POLR3G: variants seen among roughly 807,000 people sequenced by gnomAD.
POLR3G encodes RNA polymerase III subunit G.
POLR3G carries 28 observed loss-of-function variants against 30.1 expected under a neutral mutation model. The observed-to-expected ratio is 0.93, with a 90% CI of 0.69 to 1.27. The LOEUF is 1.27. Among genes scored for constraint, POLR3G ranks in the 50% most tolerant of loss-of-function variants. POLR3G has a pLI of 0.00. For missense variants in POLR3G, 254 were observed against 264.6 expected, an observed-to-expected ratio of 0.96 and a Z score of 0.28; for synonymous variants, 79 against 82.5, an observed-to-expected ratio of 0.96 and a Z score of 0.23.
intron 2 of POLR3G, among the ~76,000 whole-genome samples, chr5:90,487,368 TGG>T (rs1751492537): frequency 6.7e-6 from 1 of 148,502 alleles, no homozygotes; most frequent in African/African-American, 2.5e-5. Flanking sequence ...TTTTTTTTTT[TGG>T]TACATTAATT....
At chr5:90,495,140 T>C (rs1751920223) in intron 3 of POLR3G, among the ~76,000 whole-genome samples, 1 of 152,252 alleles carries the variant, frequency 6.6e-6, no homozygotes, top group African/African-American at 2.4e-5. Context: ...GTTGTATTAT[T>C]TGGAAGCATA....
upstream of POLR3G, chr5:90,473,984 G>C: frequency 6.3e-7 from 1 of 1,598,742 alleles, no homozygotes; most frequent in East Asian, 2.3e-5. Flanking sequence ...CCTCGGCCTC[G>C]GCGTGGTGCA....
chr5:90,474,296 G>A (rs1219220009), upstream of POLR3G: 9 of 1,612,318 alleles, frequency 5.6e-6, no homozygotes, highest in South Asian at 6.6e-5. Flanking sequence ...CCGACATGCT[G>A]GGCAGGGGTG....
intron 2 of POLR3G, among the ~76,000 whole-genome samples, chr5:90,486,531 C>T (rs1293359001): frequency 6.6e-6 from 1 of 152,224 alleles, no homozygotes; most frequent in African/African-American, 2.4e-5. Context: ...CCACTGTCCT[C>T]ATTCCCCAGC....
At chr5:90,479,417 G>A (rs192350728) in intron 1 of POLR3G, among the ~76,000 whole-genome samples, 1 of 152,198 alleles carries the variant, frequency 6.6e-6, no homozygotes, top group East Asian at 1.9e-4. Context: ...AGGTTGCAGT[G>A]AGCCGAGATC....
At chr5:90,485,918 A>C (rs1751416838) in intron 2 of POLR3G, among the ~76,000 whole-genome samples, 2 of 152,230 alleles carry the variant, frequency 1.3e-5, no homozygotes, top group African/African-American at 2.4e-5. Context: ...ACCAGTAAAG[A>C]ATTAGTTTTC....
At chr5:90,497,200 A>G (rs931281524) in intron 4 of POLR3G, among the ~76,000 whole-genome samples, 1 of 152,126 alleles carries the variant, frequency 6.6e-6, no homozygotes. Context: ...GTTTTCAGAT[A>G]TTACAATTGT....
intron 5 of POLR3G, 130 bp downstream of exon 5, chr5:90,497,836 G>T (rs1230846122): frequency 8.8e-7 from 1 of 1,131,350 alleles, no homozygotes; most frequent in East Asian, 3.3e-5. Flanking sequence ...CCAGACAAGG[G>T]ATCTCATGCC....
At chr5:90,511,290 C>T (rs1580224883) in intron 7 of POLR3G, among the ~76,000 whole-genome samples, 1 of 152,180 alleles carries the variant, frequency 6.6e-6, no homozygotes, top group East Asian at 1.9e-4. Flanking sequence ...TCCTTAATTT[C>T]ATCAAATATC....
At position 90,487,378 on chromosome 5, in the gene POLR3G, A is replaced by ATTTTTTTTTTTTTTTTTTTTTTTT. The variant is rs59951999; in HGVS notation, c.118-616_118-593dup. 8.8e-5 allele frequency among the ~76,000 whole-genome samples: 5 copies of ATTTTTTTTTTTTTTTTTTTTTTTT among 57,028 alleles called. 1 individual carries two copies. The highest frequency in any genetic ancestry group is 4.0e-4 in the African/African-American group (5 of 12,634). 37.4% of individuals were successfully genotyped at this position (57,028 alleles called of 152,430 possible). A position where few individuals can be genotyped will look rare whatever the true frequency, so the allele number is the denominator to read the frequency against. ...TTTTCTTTTTTTTTTTGGTACATTA[A>ATTTTTTTTTTTTTTTTTTTTTTTT]TTTTTTTTTTTTTTTTTTTTTTTTT... is the stretch of plus-strand genomic sequence containing the variant. On this transcript the variant is annotated intron_variant, in intron 2 of 7. Coordinates refer to ENST00000651687, the MANE Select transcript of POLR3G (RefSeq NM_006467.3).
At chr5:90,490,272 G>GC (rs1751651548) in intron 3 of POLR3G, among the ~76,000 whole-genome samples, 1 of 118,074 alleles carries the variant, frequency 8.5e-6, no homozygotes, top group Non-Finnish European at 1.9e-5. Context: ...CAAAATATAA[G>GC]GGTTTTTTTT....
chr5:90,508,950 A>G (rs976589665), intron 7 of POLR3G, among the ~76,000 whole-genome samples: 1 of 152,100 alleles, frequency 6.6e-6, no homozygotes, highest in African/African-American at 2.4e-5. Context: ...AATCCCAACT[A>G]CTTGGGAGGC....
chr5:90,482,432 A>T (rs1156551784), intron 1 of POLR3G, among the ~76,000 whole-genome samples: 2 of 152,218 alleles, frequency 1.3e-5, no homozygotes, highest in Non-Finnish European at 2.9e-5. Context: ...TCCTGGGCAT[A>T]GGCTGAACTA....
intron 3 of POLR3G, among the ~76,000 whole-genome samples, chr5:90,489,184 T>C (rs1751595616): frequency 6.6e-6 from 1 of 152,172 alleles, no homozygotes; most frequent in Admixed American, 6.5e-5. Context: ...GACAAATTCA[T>C]TTAATTCTCA....
intron 5 of POLR3G, among the ~76,000 whole-genome samples, chr5:90,498,716 C>T (rs1161866341): frequency 6.6e-6 from 1 of 152,082 alleles, no homozygotes; most frequent in Admixed American, 6.6e-5. Context: ...TAAAATGGAG[C>T]TTTATGTTGT....
chr5:90,482,717 T>A (rs915915636), intron 1 of POLR3G, among the ~76,000 whole-genome samples: 2 of 152,168 alleles, frequency 1.3e-5, no homozygotes, highest in Admixed American at 1.3e-4. Flanking sequence ...ACTCTTCTGA[T>A]CTTGTGGCCC....
chr5:90,511,746 G>A (rs1189378125), intron 7 of POLR3G, among the ~76,000 whole-genome samples: 3 of 151,798 alleles, frequency 2.0e-5, no homozygotes, highest in Admixed American at 1.3e-4. Context: ...TCTTGTCTGT[G>A]CATTTTTTGG....
intron 3 of POLR3G, among the ~76,000 whole-genome samples, chr5:90,493,303 G>A (rs1408566484): frequency 6.6e-6 from 1 of 152,138 alleles, no homozygotes; most frequent in African/African-American, 2.4e-5. Flanking sequence ...CTGGAATGCA[G>A]TGGCATAATC....
At chr5:90,502,248 C>G in intron 6 of POLR3G, 4 of 983,230 alleles carry the variant, frequency 4.1e-6, no homozygotes, top group Non-Finnish European at 4.8e-6. Flanking sequence ...ACTGTATCCC[C>G]CTTTCCGCTT....
Sources: allele counts gnomAD v4.1 joint callset (sites outside exome capture counted in the v4.1 genomes callset), GRCh38; gene constraint gnomAD v4.1.1; transcripts MANE v1.5; gene names NCBI Gene and HGNC (gene_info 2026-07-23, HGNC 2026-07-21).